SAMSN1: variants seen among roughly 807,000 people sequenced by gnomAD.
SAMSN1 encodes the protein SAM domain, SH3 domain and nuclear localization signals 1.
Under a neutral mutation model 42.0 loss-of-function variants are expected in SAMSN1, and 31 were observed. That is an observed-to-expected ratio of 0.74 (90% confidence interval 0.55 to 1.00). The LOEUF is 1.00. Ranked by LOEUF, SAMSN1 falls within the 50% of genes least tolerant of loss-of-function variation. SAMSN1 has a pLI of 0.00. For synonymous variants in SAMSN1, 178 were observed against 151.9 expected (o/e 1.17, Z -1.26); for missense variants, 464 against 439.4 (o/e 1.06, Z -0.50).
At chr21:14,537,435 C>T (rs1979699669) in intron 1 of SAMSN1, among the ~76,000 whole-genome samples, 1 of 151,970 alleles carries the variant, frequency 6.6e-6, no homozygotes, top group Non-Finnish European at 1.5e-5. Context: ...ACTTATTTAT[C>T]CTATTTATTG....
intron 3 of SAMSN1, among the ~76,000 whole-genome samples, chr21:14,615,101 C>A (rs1982802179): frequency 6.6e-6 from 1 of 152,222 alleles, no homozygotes; most frequent in African/African-American, 2.4e-5. Flanking sequence ...GCCTCACATA[C>A]ATGGCGATAA....
At chr21:14,634,874 C>A (rs1376326899) in intron 2 of SAMSN1, among the ~76,000 whole-genome samples, 2 of 152,194 alleles carry the variant, frequency 1.3e-5, no homozygotes, top group Non-Finnish European at 2.9e-5. Flanking sequence ...TATAAAGATA[C>A]ATGGACACTT....
intron 1 of SAMSN1, among the ~76,000 whole-genome samples, chr21:14,545,883 A>C (rs1005957798): frequency 2.0e-5 from 3 of 152,194 alleles, no homozygotes; most frequent in African/African-American, 7.2e-5. Context: ...GTCATTAAAA[A>C]CATGCAAGAA....
At chr21:14,615,040 T>C (rs1982800904) in intron 3 of SAMSN1, among the ~76,000 whole-genome samples, 1 of 152,194 alleles carries the variant, frequency 6.6e-6, no homozygotes, top group Non-Finnish European at 1.5e-5. Flanking sequence ...CTATTTTGTT[T>C]AAGTACGTTC....
At position 14,623,088 on chromosome 21, in the gene SAMSN1, C is replaced by A. The variant is rs188138920; in HGVS notation, c.157-7072G>T. 3.5e-4 allele frequency among the ~76,000 whole-genome samples: 54 copies of A among 152,222 alleles called. No homozygotes were observed. The East Asian group carries it at 6.4e-3, about 18-fold the overall frequency. On this transcript the variant is annotated intron_variant, in intron 2 of 15. Transcript: ENST00000647101. ...CAAATGCTGAGAGAATTTGTCACCA[C>A]CAGGCCTGCCCTACAAGAGCTCCTA...
At chr21:14,612,880 T>C in exon 4 of SAMSN1, 1 of 707,558 alleles carries the variant, frequency 1.4e-6, no homozygotes, top group Non-Finnish European at 2.6e-6. Flanking sequence ...ACTAACCAAA[T>C]ATTTTATTTT....
chr21:14,564,087 A>G (rs899653711), intron 2 of SAMSN1, among the ~76,000 whole-genome samples: 2 of 152,140 alleles, frequency 1.3e-5, no homozygotes, highest in Non-Finnish European at 2.9e-5. Context: ...GTTTTTTAAA[A>G]GTCTGATTTG....
At chr21:14,539,691 T>A (rs1979876113) in intron 1 of SAMSN1, among the ~76,000 whole-genome samples, 1 of 152,058 alleles carries the variant, frequency 6.6e-6, no homozygotes, top group East Asian at 1.9e-4. Context: ...GTGGGAAGAA[T>A]CAATATCGTG....
intron 5 of SAMSN1, among the ~76,000 whole-genome samples, chr21:14,606,315 A>G (rs1049285546): frequency 2.0e-5 from 3 of 152,218 alleles, no homozygotes; most frequent in African/African-American, 7.2e-5. Flanking sequence ...GATTGATTGA[A>G]AAATTTCTGA....
chr21:14,651,873 G>A (rs957928838), intron 1 of SAMSN1, among the ~76,000 whole-genome samples: 7 of 151,792 alleles, frequency 4.6e-5, no homozygotes, highest in African/African-American at 1.5e-4. Context: ...ATTTCTATGA[G>A]AACAGGCAAC....
At chr21:14,642,920 G>C in intron 2 of SAMSN1, 1 of 662,168 alleles carries the variant, frequency 1.5e-6, no homozygotes, top group South Asian at 1.8e-5. Flanking sequence ...AATTTTTGCT[G>C]TATTAATAAG....
intron 2 of SAMSN1, among the ~76,000 whole-genome samples, chr21:14,621,851 T>C (rs993423829): frequency 2.0e-5 from 3 of 151,952 alleles, no homozygotes; most frequent in African/African-American, 7.3e-5. Context: ...GACCCTCGAG[T>C]AGCCTAACTA....
chr21:14,582,476 T>C (rs1408035611), exon 2 of SAMSN1: 5 of 1,135,256 alleles, frequency 4.4e-6, no homozygotes, highest in Non-Finnish European at 5.1e-6. Context: ...AATCAACGTG[T>C]CATCTTCATC....
At chr21:14,490,117 CT>C (rs770233347) in intron 7 of SAMSN1, among the ~76,000 whole-genome samples, 18 of 152,120 alleles carry the variant, frequency 1.2e-4, no homozygotes, top group Non-Finnish European at 2.2e-4. Context: ...CAGATTTTGT[CT>C]TTACCATCTT....
At chr21:14,601,904 A>G in intron 6 of SAMSN1, 1 of 402,170 alleles carries the variant, frequency 2.5e-6, no homozygotes, top group Non-Finnish European at 4.6e-6. Flanking sequence ...AACCTATAAT[A>G]ACTAAATAGA....
intron 5 of SAMSN1, among the ~76,000 whole-genome samples, chr21:14,503,928 G>C (rs4387883): frequency 0.076 from 11,545 of 152,182 alleles, 956 homozygotes; most frequent in African/African-American, 0.2. Context: ...AACATCATAA[G>C]ACTCTGTGCA....
At chr21:14,512,325 T>C in intron 4 of SAMSN1, 119 bp downstream of exon 4, 1 of 1,008,622 alleles carries the variant, frequency 9.9e-7, no homozygotes, top group South Asian at 1.5e-5. Context: ...ATATCTTACA[T>C]TTTTACCATT....
intron 1 of SAMSN1, among the ~76,000 whole-genome samples, chr21:14,528,104 T>TA (rs1365156004): frequency 1.3e-5 from 2 of 152,240 alleles, no homozygotes; most frequent in East Asian, 3.9e-4. Context: ...ATCAATTCTT[T>TA]AAAAAACTAT....
At chr21:14,528,294 T>C (rs1979011077) in intron 1 of SAMSN1, among the ~76,000 whole-genome samples, 1 of 152,126 alleles carries the variant, frequency 6.6e-6, no homozygotes, top group African/African-American at 2.4e-5. Flanking sequence ...CATAAATAAG[T>C]ACCACTAAAA....
Sources: allele counts gnomAD v4.1 joint callset (sites outside exome capture counted in the v4.1 genomes callset), GRCh38; gene constraint gnomAD v4.1.1; transcripts MANE v1.5; gene names NCBI Gene and HGNC (gene_info 2026-07-23, HGNC 2026-07-21).